UBP1: variants seen among roughly 807,000 people sequenced by gnomAD.
UBP1 encodes upstream-binding protein 1.
A neutral mutation model predicts 76.1 loss-of-function variants in UBP1; 22 were observed. The observed-to-expected ratio is 0.29, with a 90% CI of 0.21 to 0.41. The LOEUF (loss-of-function observed/expected upper bound fraction) is 0.41. Among genes scored for constraint, UBP1 ranks in the 10% least tolerant of loss-of-function variants. The pLI is 1.00. For missense variants in UBP1, 436 were observed against 668.1 expected, an observed-to-expected ratio of 0.65 and a Z score of 3.83; for synonymous variants, 224 against 237.1, an observed-to-expected ratio of 0.94 and a Z score of 0.51.
intron 1 of UBP1, among the ~76,000 whole-genome samples, chr3:33,433,365 TAA>T (rs1170395728): frequency 0.29 from 33,308 of 113,046 alleles, 5,084 homozygotes; most frequent in East Asian, 0.53. Flanking sequence ...ACCCAGCCTT[TAA>T]AAAAAAAAAA....
intron 10 of UBP1, 49 bp from the exon 11 acceptor site, chr3:33,400,331 GAACATTTAAA>G: frequency 6.9e-7 from 1 of 1,440,206 alleles, no homozygotes; most frequent in Non-Finnish European, 9.4e-7. Context: ...TTCAGACTTA[GAACATTTAAA>G]CAAAACACAG....
intron 4 of UBP1, 61 bp from the exon 5 acceptor site, chr3:33,411,748 A>G (rs1003793651): frequency 1.5e-6 from 2 of 1,310,250 alleles, no homozygotes; most frequent in African/African-American, 2.9e-5. Flanking sequence ...AAAACTTACA[A>G]CTTACTATAT....
At chr3:33,418,362 T>A (rs112479778) in intron 2 of UBP1, among the ~76,000 whole-genome samples, 32 of 152,068 alleles carry the variant, frequency 2.1e-4, no homozygotes, top group African/African-American at 7.2e-4. Flanking sequence ...CAAGCAATTC[T>A]CCCTGCCTTG....
At position 33,390,214 on chromosome 3, in the gene UBP1, T is replaced by A; in HGVS notation, c.*117A>T. On this transcript the variant is annotated 3_prime_UTR_variant, in exon 16 of 16. Coordinates refer to ENST00000283629, the MANE Select transcript of UBP1 (RefSeq NM_014517.5). ...CTCATTAGAAAGGTCATCTTGTGTT[T>A]TCAATATGAAACATTTCATATGGTA... 1 of 1,052,940 alleles carries A rather than the reference T, an allele frequency of 9.5e-7. No individual in the cohort carries two copies. 65.2% of individuals were successfully genotyped at this position (1,052,940 alleles called of 1,614,324 possible). A position where few individuals can be genotyped will look rare whatever the true frequency, so the allele number is the denominator to read the frequency against.
chr3:33,423,342 A>G (rs763764523), intron 2 of UBP1, among the ~76,000 whole-genome samples: 1 of 152,030 alleles, frequency 6.6e-6, no homozygotes, highest in East Asian at 1.9e-4. Flanking sequence ...CCCGGCCCAT[A>G]TTTTTTAAAA....
intron 11 of UBP1, among the ~76,000 whole-genome samples, chr3:33,399,581 T>A (rs1435401137): frequency 2.0e-5 from 3 of 152,210 alleles, no homozygotes; most frequent in African/African-American, 7.2e-5. Context: ...ATTGCATTTA[T>A]ATAACATTCT....
At position 33,397,049 on chromosome 3, in the gene UBP1, A is replaced by G; in HGVS notation, c.1267T>C (p.Ser423Pro). ...DGIRLYNSLKSRSVRPRLTIY... is the reference protein window; with the variant it reads ...DGIRLYNSLKPRSVRPRLTIY... ...AAACAGTTCACAGTATTTTACCTTG[A>G]CTTCAGTGAATTATAGAGCCGAATT... The change falls in exon 12 of 16, where the codon TCA (serine) becomes CCA (proline). Residue 423 changes from serine to proline, a missense_variant. This residue lies in a region of UBP1 where 210 missense variants were observed against 272.8 expected (regional missense o/e 0.77). Transcript: ENST00000283629. The G allele has an allele frequency of 6.3e-7, 1 of 1,590,528 alleles. No homozygotes were observed. The highest frequency in any genetic ancestry group is 8.5e-7 in the Non-Finnish European group (1 of 1,170,442).
At chr3:33,427,639 T>C (rs12631790) in intron 1 of UBP1, among the ~76,000 whole-genome samples, 1 of 152,004 alleles carries the variant, frequency 6.6e-6, no homozygotes, top group African/African-American at 2.4e-5. Context: ...GAGAACGTTA[T>C]CCCACCAGTA....
chr3:33,392,570 T>G lies in UBP1; in HGVS notation c.1578A>C (p.Thr526=). 6.2e-7 allele frequency: 1 copy of G among 1,611,840 alleles called. No individual in the cohort carries two copies. The part of the protein sequence containing the change: ...FQDESCFLFS[T]VKAESSDGIH... ...CACACACATGCAAAGTACCTTTTAC[T>G]GTGGAGAATAAAAAACAACTCTCAT... The change falls in exon 15 of 16, where the codon ACA becomes ACC. Residue 526 remains threonine, a synonymous_variant. Transcript: ENST00000283629.
At chr3:33,407,161 C>G (rs941975532) in intron 8 of UBP1, among the ~76,000 whole-genome samples, 2 of 152,134 alleles carry the variant, frequency 1.3e-5, no homozygotes, top group Admixed American at 6.6e-5. Context: ...CTAAAAGCAT[C>G]TGAACAAAAT....
chr3:33,403,714 T>A (rs989756902), intron 8 of UBP1: 1 of 152,220 alleles, frequency 6.6e-6, no homozygotes, highest in Non-Finnish European at 1.5e-5. Context: ...GGAGATACAC[T>A]ATTACAATTA....
At chr3:33,410,376 G>A (rs1346340419) in intron 5 of UBP1, among the ~76,000 whole-genome samples, 1 of 151,958 alleles carries the variant, frequency 6.6e-6, no homozygotes, top group Non-Finnish European at 1.5e-5. Context: ...TGTAAAGCCA[G>A]GTCTTGTATC....
At chr3:33,419,552 T>G (rs1018182232) in intron 2 of UBP1, among the ~76,000 whole-genome samples, 1 of 149,862 alleles carries the variant, frequency 6.7e-6, no homozygotes, top group Admixed American at 6.7e-5. Flanking sequence ...CACTTGAACC[T>G]GTGAGGCGGA....
At chr3:33,424,526 A>G (rs2044978262) in intron 2 of UBP1, among the ~76,000 whole-genome samples, 1 of 152,226 alleles carries the variant, frequency 6.6e-6, no homozygotes, top group South Asian at 2.1e-4. Flanking sequence ...AAACAGACCA[A>G]AAATATTAGT....
chr3:33,409,090 A>G (rs1287851200), intron 7 of UBP1, 146 bp downstream of exon 7: 1 of 812,004 alleles, frequency 1.2e-6, no homozygotes, highest in East Asian at 2.6e-5. Context: ...CCAAATTTAA[A>G]TATTTTCCCC....
chr3:33,424,589 T>C (rs2044980026), intron 2 of UBP1, among the ~76,000 whole-genome samples: 1 of 152,236 alleles, frequency 6.6e-6, no homozygotes, highest in Admixed American at 6.5e-5. Flanking sequence ...ACAATGAGCA[T>C]ATAACAGTAA....
intron 8 of UBP1, among the ~76,000 whole-genome samples, chr3:33,404,684 C>CG (rs1553674185): frequency 6.6e-6 from 1 of 151,954 alleles, no homozygotes; most frequent in Admixed American, 6.6e-5. Context: ...ACTCTAATGA[C>CG]TAAGTTTTTC....
intron 11 of UBP1, among the ~76,000 whole-genome samples, chr3:33,398,749 C>T (rs1473203428): frequency 6.6e-6 from 1 of 152,178 alleles, no homozygotes; most frequent in African/African-American, 2.4e-5. Context: ...CATGGATTTG[C>T]CTGATGTAAA....
intron 3 of UBP1, among the ~76,000 whole-genome samples, chr3:33,414,634 C>T (rs894322250): frequency 3.3e-5 from 5 of 152,100 alleles, no homozygotes; most frequent in African/African-American, 1.2e-4. Context: ...TTTAGGGATT[C>T]TCTAGCTAAA....
Sources: gnomAD v4.1 joint callset for allele counts (sites outside exome capture counted in the v4.1 genomes callset) on GRCh38, gnomAD v4.1.1 for gene constraint, gnomAD v4.1.1 regional missense constraint, MANE v1.5 for transcripts, NCBI Gene and HGNC (gene_info 2026-07-23, HGNC 2026-07-21) for gene names.